Variants in LCP1 observed in about 807,000 individuals in gnomAD.
LCP1 encodes plastin-2.
LCP1 carries 23 observed loss-of-function variants against 72.0 expected under a neutral mutation model. The ratio of observed to expected loss-of-function variants is 0.32; its 90% confidence interval spans 0.23 to 0.45. The LOEUF (loss-of-function observed/expected upper bound fraction) is 0.45, where lower values mean the gene tolerates loss of function less well. Among genes scored for constraint, LCP1 ranks in the 20% least tolerant of loss-of-function variants. The pLI is 1.00. For synonymous variants in LCP1, 245 were observed against 275.4 expected (o/e 0.89, Z 1.09); for missense variants, 571 against 748.3 (o/e 0.76, Z 2.76).
chr13:46,134,430 A>T (rs1317709494), intron 13 of LCP1, among the ~76,000 whole-genome samples, 180 bp from the exon 14 acceptor site: 1 of 152,204 alleles, frequency 6.6e-6, no homozygotes, highest in African/African-American at 2.4e-5. Context: ...ATAACTTAAG[A>T]CGTGACTTTA....
chr13:46,167,472 G>A (rs1207530247), intron 1 of LCP1, among the ~76,000 whole-genome samples: 1 of 152,120 alleles, frequency 6.6e-6, no homozygotes, highest in South Asian at 2.1e-4. Context: ...TGCAAGAAAA[G>A]GGGATACTCC....
At chr13:46,151,516 A>G (rs116684992) in intron 7 of LCP1, among the ~76,000 whole-genome samples, 2,003 of 152,296 alleles carry the variant, frequency 0.013, 50 homozygotes, top group African/African-American at 0.045. Flanking sequence ...TCAAGTGCTT[A>G]CCTGCCTAAT....
rs11438431 is a variant in LCP1, at chr13:46,135,108, C to CAA, written c.1503-860_1503-859dup. 2.8e-3 allele frequency among the ~76,000 whole-genome samples: 266 copies of CAA among 96,706 alleles called. 5 individuals carry two copies. Among genetic ancestry groups the CAA allele is most frequent in the Middle Eastern group, 0.017 (3 of 176 alleles). 63.4% of individuals were successfully genotyped at this position (96,706 alleles called of 152,430 possible). A position where few individuals can be genotyped will look rare whatever the true frequency, so the allele number is the denominator to read the frequency against. ...TGGGCAACAGAGTGAGACTCTGTCT[C>CAA]AAAAAAAAAAAAAAAGAAAAAAAAA... On this transcript the variant is annotated intron_variant, in intron 13 of 15. Transcript: ENST00000323076.
At chr13:46,177,367 C>T (rs151280752) in intron 1 of LCP1, among the ~76,000 whole-genome samples, 2,908 of 152,270 alleles carry the variant, frequency 0.019, 84 homozygotes, top group East Asian at 0.15. Flanking sequence ...AAAGGCCGGG[C>T]GCGGTGGCTC....
At chr13:46,158,255 AT>A (rs2045815855) in intron 4 of LCP1, among the ~76,000 whole-genome samples, 1 of 152,172 alleles carries the variant, frequency 6.6e-6, no homozygotes, top group Non-Finnish European at 1.5e-5. Context: ...TGAGTAGCTA[AT>A]TTTGTCCATA....
intron 1 of LCP1, among the ~76,000 whole-genome samples, chr13:46,163,968 T>C (rs2045862324): frequency 6.6e-6 from 1 of 152,220 alleles, no homozygotes; most frequent in Non-Finnish European, 1.5e-5. Flanking sequence ...TTCATAGGTG[T>C]TTATGGGATT....
At chr13:46,151,292 T>C (rs2045762519) in intron 7 of LCP1, among the ~76,000 whole-genome samples, 1 of 152,222 alleles carries the variant, frequency 6.6e-6, no homozygotes. Context: ...ATTATCTCCA[T>C]TTTCCAGATG....
intron 12 of LCP1, 64 bp downstream of exon 12, chr13:46,143,226 T>C: frequency 3.7e-6 from 4 of 1,086,994 alleles, no homozygotes; most frequent in Non-Finnish European, 5.6e-6. Flanking sequence ...ATAAAGTATT[T>C]AGAGTGCTCT....
rs1362852539 is a variant in LCP1 at position 46,144,489 on chromosome 13, G to A, written c.1206C>T (p.Asn402=). The A allele has an allele frequency of 6.2e-7, 1 of 1,613,730 alleles. No individual in the cohort carries two copies. Among genetic ancestry groups the A allele is most frequent in the East Asian group, 2.2e-5 (1 of 44,882 alleles). The stretch of plus-strand genomic sequence containing the variant: ...GGTTAACACCCAGGGAGTTCATCCA[G>A]TTCCTAAATGTCCGCTCTTCTCTCG... The part of the protein sequence containing the change: ...GETREERTFR[N]WMNSLGVNPR... The change falls in exon 11 of 16, where the codon AAC becomes AAT. Residue 402 remains asparagine, a synonymous_variant. Coordinates refer to ENST00000323076, the MANE Select transcript of LCP1 (RefSeq NM_002298.5).
chr13:46,169,157 T>G (rs1051092747), intron 1 of LCP1, among the ~76,000 whole-genome samples: 2 of 152,248 alleles, frequency 1.3e-5, no homozygotes, highest in East Asian at 3.8e-4. Flanking sequence ...TTTCTCTTCT[T>G]TCCTCTTTAA....
intron 6 of LCP1, among the ~76,000 whole-genome samples, chr13:46,153,634 G>A: frequency 6.6e-6 from 1 of 151,418 alleles, no homozygotes; most frequent in East Asian, 1.9e-4. Flanking sequence ...CCAGGAGGCA[G>A]AGGTTGCGGT....
At chr13:46,142,721 C>T in intron 12 of LCP1, 1 of 513,418 alleles carries the variant, frequency 1.9e-6, no homozygotes, top group Non-Finnish European at 3.8e-6. Flanking sequence ...TCCTTAATTA[C>T]CTACATGTAA....
intron 10 of LCP1, among the ~76,000 whole-genome samples, chr13:46,146,051 G>C (rs1176610977): frequency 6.6e-6 from 1 of 151,616 alleles, no homozygotes; most frequent in Admixed American, 6.6e-5. Flanking sequence ...TGATAGCCAA[G>C]GATCCAAACA....
chr13:46,153,751 T>A (rs555870721), intron 6 of LCP1, among the ~76,000 whole-genome samples: 1 of 151,956 alleles, frequency 6.6e-6, no homozygotes, highest in East Asian at 2.0e-4. Context: ...CGATTAAAAT[T>A]CCTGGAAAAG....
chr13:46,161,840 A>C (rs998174518), intron 1 of LCP1, among the ~76,000 whole-genome samples: 5 of 152,234 alleles, frequency 3.3e-5, no homozygotes, highest in Non-Finnish European at 7.3e-5. Flanking sequence ...CTAGAAGCTA[A>C]GGCAAAAAGG....
At chr13:46,176,276 G>C (rs1198677287) in intron 1 of LCP1, among the ~76,000 whole-genome samples, 1 of 152,138 alleles carries the variant, frequency 6.6e-6, no homozygotes, top group African/African-American at 2.4e-5. Flanking sequence ...CTCATCACTA[G>C]ACATTGTATG....
intron 1 of LCP1, among the ~76,000 whole-genome samples, chr13:46,167,927 C>T (rs185868677): frequency 1.4e-4 from 22 of 152,042 alleles, no homozygotes; most frequent in Admixed American, 3.9e-4. Flanking sequence ...CGATCAAAAA[C>T]GAACAAGTGA....
Position 46,147,061 on chromosome 13 carries a change from C to T in LCP1, c.1021G>A (p.Ala341Thr), listed in dbSNP as rs1203778170. Reference protein sequence around the residue: ...IQRAECMLQQAERLGCRQFVT... With the variant: ...IQRAECMLQQTERLGCRQFVT... ...AACTGCCGGCAGCCCAGCCTCTCCG[C>T]CTGCTGCAGCATGCATTCTGCCCTC... Residue 341 changes from alanine to threonine, a missense_variant, in exon 10 of 16, where the codon GCG (alanine) becomes ACG (threonine). By Grantham distance (58) the Ala-to-Thr change is moderately conservative. Transcript: ENST00000323076. 6.2e-7 allele frequency: 1 copy of T among 1,611,570 alleles called. No homozygotes were observed. The highest frequency in any genetic ancestry group is 1.1e-5 in the South Asian group (1 of 90,796).
intron 1 of LCP1, among the ~76,000 whole-genome samples, chr13:46,178,761 G>C (rs1047697114): frequency 2.6e-5 from 4 of 152,140 alleles, no homozygotes; most frequent in Non-Finnish European, 5.9e-5. Context: ...AAGAAAATTA[G>C]ATTAACTGAA....
Sources: gnomAD v4.1 joint callset for allele counts (sites outside exome capture counted in the v4.1 genomes callset) on GRCh38, gnomAD v4.1.1 for gene constraint, MANE v1.5 for transcripts, NCBI Gene and HGNC (gene_info 2026-07-23, HGNC 2026-07-21) for gene names.